The following PDE1A variants were observed in gnomAD, a reference collection of about 807,000 sequenced individuals.
PDE1A encodes dual specificity calcium/calmodulin-dependent 3',5'-cyclic nucleotide phosphodiesterase 1A.
PDE1A carries 35 observed loss-of-function variants against 61.7 expected under a neutral mutation model. The ratio of observed to expected loss-of-function variants is 0.57; its 90% confidence interval spans 0.43 to 0.75. PDE1A has a LOEUF of 0.75. Among genes scored for constraint, PDE1A ranks in the 30% least tolerant of loss-of-function variants. The pLI, the probability that PDE1A is intolerant of heterozygous loss-of-function variation, is 0.00. For missense variants in PDE1A, 597 were observed against 630.6 expected (o/e 0.95, Z 0.57); for synonymous variants, 232 against 213.2 (o/e 1.09, Z -0.77).
chr2:182,505,206 C>A (rs777372126), intron 2 of PDE1A, among the ~76,000 whole-genome samples: 2 of 152,222 alleles, frequency 1.3e-5, no homozygotes, highest in Non-Finnish European at 2.9e-5. Flanking sequence ...CCTAATTATT[C>A]AGCTACATCA....
chr2:182,701,186 C>T, the PDE1A span, among the ~76,000 whole-genome samples: 9 of 113,556 alleles, frequency 7.9e-5, no homozygotes, highest in Non-Finnish European at 1.6e-4. Flanking sequence ...AGTCGCCTGC[C>T]ACCACGCCCG....
chr2:182,334,724 G>A (rs1429083627), intron 1 of PDE1A, among the ~76,000 whole-genome samples: 1 of 152,174 alleles, frequency 6.6e-6, no homozygotes, highest in Non-Finnish European at 1.5e-5. Flanking sequence ...ACAAAAAAAG[G>A]ATGTCCTCTT....
chr2:182,231,183 G>A (rs761153027), intron 4 of PDE1A, 52 bp from the exon 5 acceptor site: 19 of 911,342 alleles, frequency 2.1e-5, no homozygotes, highest in South Asian at 5.8e-5. Context: ...CTGTTTCTAC[G>A]AGAATTTATT....
At chr2:182,181,854 A>G (rs1324119447) in intron 13 of PDE1A, among the ~76,000 whole-genome samples, 5 of 152,140 alleles carry the variant, frequency 3.3e-5, no homozygotes, top group Non-Finnish European at 1.5e-5. Flanking sequence ...CAAACCTCTC[A>G]GTCTCCTTCA....
chr2:182,381,727 G>T (rs527453797), intron 1 of PDE1A, among the ~76,000 whole-genome samples: 2 of 152,030 alleles, frequency 1.3e-5, no homozygotes, highest in Non-Finnish European at 1.5e-5. Flanking sequence ...CGGGAGAATC[G>T]CTTGAACCCA....
intron 2 of PDE1A, among the ~76,000 whole-genome samples, chr2:182,258,695 A>G (rs1692004547): frequency 6.6e-6 from 1 of 152,208 alleles, no homozygotes; most frequent in African/African-American, 2.4e-5. Flanking sequence ...GCTTTGCCAG[A>G]GAACAAACTC....
chr2:182,257,062 T>G (rs1691873508), intron 2 of PDE1A, among the ~76,000 whole-genome samples: 1 of 152,228 alleles, frequency 6.6e-6, no homozygotes, highest in South Asian at 2.1e-4. Flanking sequence ...ATTTACCCTT[T>G]TCAGTAACCC....
chr2:182,457,081 G>GT (rs1334276334), intron 2 of PDE1A, among the ~76,000 whole-genome samples: 4 of 152,154 alleles, frequency 2.6e-5, no homozygotes, highest in African/African-American at 9.6e-5. Flanking sequence ...GATTAAGTTG[G>GT]TACACGTTCC....
At chr2:182,189,034 A>C (rs1228627732) in exon 11 of PDE1A, 1 of 1,613,166 alleles carries the variant, frequency 6.2e-7, no homozygotes, top group South Asian at 1.1e-5. Context: ...GGGAAAATGG[A>C]AGCCCTAATT....
chr2:182,304,077 T>G (rs1362205243), intron 1 of PDE1A, among the ~76,000 whole-genome samples: 7 of 152,116 alleles, frequency 4.6e-5, no homozygotes. Context: ...ATTTTTGTAT[T>G]TTTAGTAGAG....
rs56413404 is a variant in PDE1A, at chr2:182,201,650, C to CA, written c.1004+37dup. On this transcript the variant is annotated intron_variant, in intron 9 of 13. Coordinates refer to ENST00000351439, the Ensembl canonical transcript of PDE1A. ...CCAAGCCCCTGGAACTTTAACATGA[C>CA]AAAAAAAAAAAAACAACAAAAAAAA... 321,243 of 1,253,636 alleles carry CA rather than the reference C, an allele frequency of 0.26. 14,207 individuals carry two copies. The highest frequency in any genetic ancestry group is 0.43 in the African/African-American group (27,028 of 62,310). The allele number at this position is 1,253,636 out of a possible 1,614,324, so 77.7% of individuals were successfully genotyped here. A position where few individuals can be genotyped will look rare whatever the true frequency, so the allele number is the denominator to read the frequency against.
intron 1 of PDE1A, among the ~76,000 whole-genome samples, chr2:182,303,142 CA>C (rs1695353973): frequency 6.6e-6 from 1 of 152,138 alleles, no homozygotes. Flanking sequence ...TTTCAGGAAT[CA>C]TAAATGTCAT....
chr2:182,394,045 C>T (rs769072063), intron 1 of PDE1A, among the ~76,000 whole-genome samples: 20 of 152,198 alleles, frequency 1.3e-4, no homozygotes, highest in Non-Finnish European at 2.2e-4. Flanking sequence ...ACTTTTCCAA[C>T]CTCTGCCTGT....
chr2:182,516,702 G>GAGGAAGGGAGGAAGGAAGGAAGGA (rs1553636652), intron 2 of PDE1A, among the ~76,000 whole-genome samples: 133 of 116,830 alleles, frequency 1.1e-3, no homozygotes, highest in African/African-American at 4.1e-3. Context: ...GGGAGGAAGG[G>GAGGAAGGGAGGAAGGAAGGAAGGA]AGGAAGGAAG....
At chr2:182,620,304 C>T in the PDE1A span, among the ~76,000 whole-genome samples, 3 of 152,134 alleles carry the variant, frequency 2.0e-5, no homozygotes, top group African/African-American at 7.2e-5. Flanking sequence ...AATGATTTCA[C>T]AAATAGTTAT....
At chr2:182,583,643 C>T in the PDE1A span, among the ~76,000 whole-genome samples, 4 of 152,186 alleles carry the variant, frequency 2.6e-5, no homozygotes, top group East Asian at 7.7e-4. Context: ...TGGGTTCAAT[C>T]TCTCTCCTCT....
chr2:182,234,370 C>A (rs545383748), intron 4 of PDE1A, 62 bp downstream of exon 4: 175 of 1,100,036 alleles, frequency 1.6e-4, no homozygotes, highest in Non-Finnish European at 2.3e-4. Context: ...TTTCTCATAG[C>A]CTTTTTAAGA....
the PDE1A span, among the ~76,000 whole-genome samples, chr2:182,698,643 A>T: frequency 6.6e-6 from 1 of 152,236 alleles, no homozygotes; most frequent in South Asian, 2.1e-4. Context: ...CTGAATGATG[A>T]CATAAAAGTG....
exon 3 of PDE1A, chr2:182,240,236 G>C (rs1690393482): frequency 1.2e-6 from 2 of 1,613,130 alleles, no homozygotes; most frequent in Admixed American, 3.3e-5. Context: ...CCGGACTTCA[G>C]ATGGGACTGA....
Sources: gnomAD v4.1 joint callset for allele counts (sites outside exome capture counted in the v4.1 genomes callset) on GRCh38, gnomAD v4.1.1 for gene constraint, MANE v1.5 for transcripts, NCBI Gene and HGNC (gene_info 2026-07-23, HGNC 2026-07-21) for gene names.